Variants in PITPNB observed in about 807,000 individuals in gnomAD.
PITPNB encodes the protein phosphatidylinositol transfer protein beta isoform.
PITPNB carries 16 observed loss-of-function variants against 45.9 expected under a neutral mutation model. The observed-to-expected ratio is 0.35, with a 90% CI of 0.24 to 0.53. PITPNB has a LOEUF of 0.53. PITPNB is among the 20% of genes least tolerant of loss of function. The probability of loss-of-function intolerance (pLI) is 0.93; values close to 1 mark genes in which losing one functional copy is unlikely to be tolerated. For synonymous variants in PITPNB, 112 were observed against 108.9 expected, an observed-to-expected ratio of 1.03 and a Z score of -0.18; for missense variants, 188 against 330.5, an observed-to-expected ratio of 0.57 and a Z score of 3.34.
intron 10 of PITPNB, among the ~76,000 whole-genome samples, 181 bp downstream of exon 10, chr22:27,858,202 AAAAG>A (rs1471240606): frequency 6.6e-6 from 1 of 152,252 alleles, no homozygotes; most frequent in Non-Finnish European, 1.5e-5. Context: ...GATGCTCAAC[AAAAG>A]AGAGATCAGA....
intron 2 of PITPNB, among the ~76,000 whole-genome samples, chr22:27,911,998 C>A (rs1451476097): frequency 6.6e-6 from 1 of 152,122 alleles, no homozygotes; most frequent in Non-Finnish European, 1.5e-5. Flanking sequence ...TACAGTGACC[C>A]AACTGTGGCA....
chr22:27,888,380 C>T (rs1489239495), intron 7 of PITPNB, among the ~76,000 whole-genome samples: 1 of 152,214 alleles, frequency 6.6e-6, no homozygotes, highest in Non-Finnish European at 1.5e-5. Flanking sequence ...GCTATGTACA[C>T]TTGTAATTCT....
At chr22:27,871,204 T>G (rs1375625178) in intron 8 of PITPNB, among the ~76,000 whole-genome samples, 2 of 152,230 alleles carry the variant, frequency 1.3e-5, no homozygotes, top group East Asian at 3.8e-4. Flanking sequence ...ATGGTATATA[T>G]TCCAAGTTCC....
chr22:27,878,708 G>T (rs902114206), intron 7 of PITPNB, among the ~76,000 whole-genome samples: 2 of 152,202 alleles, frequency 1.3e-5, no homozygotes, highest in African/African-American at 4.8e-5. Context: ...AAGATCTCAG[G>T]AGGGCTGTTT....
At chr22:27,886,778 T>C (rs1313748114) in intron 7 of PITPNB, among the ~76,000 whole-genome samples, 2 of 152,240 alleles carry the variant, frequency 1.3e-5, no homozygotes, top group African/African-American at 2.4e-5. Flanking sequence ...CTCCCAACTA[T>C]TTCATGTTTG....
chr22:27,881,230 A>AT (rs1336183644), intron 7 of PITPNB, among the ~76,000 whole-genome samples: 10 of 152,244 alleles, frequency 6.6e-5, no homozygotes, highest in Admixed American at 5.9e-4. Context: ...AGGCAAGATG[A>AT]GACAGGCGTT....
intron 6 of PITPNB, 59 bp downstream of exon 6, chr22:27,896,493 A>G: frequency 9.4e-7 from 1 of 1,069,472 alleles, no homozygotes; most frequent in Non-Finnish European, 1.5e-6. Context: ...AAAGTGAACT[A>G]CATATAGAAT....
At chr22:27,911,981 A>T (rs1935940391) in intron 2 of PITPNB, among the ~76,000 whole-genome samples, 1 of 152,178 alleles carries the variant, frequency 6.6e-6, no homozygotes, top group South Asian at 2.1e-4. Context: ...CTCGTGTTCT[A>T]ATTTGTTACA....
chr22:27,892,094 C>G (rs902048169), intron 7 of PITPNB, among the ~76,000 whole-genome samples: 1 of 152,168 alleles, frequency 6.6e-6, no homozygotes, highest in African/African-American at 2.4e-5. Context: ...CTATCCACCC[C>G]AAACATCACC....
intron 3 of PITPNB, among the ~76,000 whole-genome samples, chr22:27,908,183 T>C (rs1457339139): frequency 6.6e-6 from 1 of 150,710 alleles, no homozygotes; most frequent in Non-Finnish European, 1.5e-5. Context: ...TATTTAACAT[T>C]CCTTTTCTTT....
chr22:27,887,880 T>A (rs1014817971), intron 7 of PITPNB, among the ~76,000 whole-genome samples: 1 of 151,858 alleles, frequency 6.6e-6, no homozygotes, highest in African/African-American at 2.4e-5. Flanking sequence ...ATCAAACTAA[T>A]CAGGTCACAT....
At chr22:27,865,761 G>A (rs1334628386) in intron 8 of PITPNB, among the ~76,000 whole-genome samples, 1 of 152,146 alleles carries the variant, frequency 6.6e-6, no homozygotes, top group Non-Finnish European at 1.5e-5. Flanking sequence ...GGGCAGGGGA[G>A]GGGCGGGCGG....
intron 3 of PITPNB, among the ~76,000 whole-genome samples, chr22:27,904,657 A>T (rs1039770044): frequency 2.4e-4 from 37 of 152,238 alleles, no homozygotes; most frequent in Non-Finnish European, 2.5e-4. Flanking sequence ...TTAAAGTCAG[A>T]AAAAGAATGG....
intron 8 of PITPNB, among the ~76,000 whole-genome samples, chr22:27,871,056 A>G (rs910860686): frequency 6.6e-6 from 1 of 152,228 alleles, no homozygotes; most frequent in Non-Finnish European, 1.5e-5. Flanking sequence ...CAGGGGGGAA[A>G]ATGGAAAAAA....
chr22:27,893,132 T>C (rs1466712245), intron 7 of PITPNB, among the ~76,000 whole-genome samples: 1 of 152,226 alleles, frequency 6.6e-6, no homozygotes, highest in Admixed American at 6.5e-5. Flanking sequence ...ACCACTCTTA[T>C]TCCAAAGCTT....
Position 27,919,252 on chromosome 22 carries a change from C to T in PITPNB, c.-61G>A. 2 of 1,467,810 alleles carry T rather than the reference C, an allele frequency of 1.4e-6. No homozygotes were observed. The highest frequency in any genetic ancestry group is 1.7e-5 in the Admixed American group (1 of 59,786). The allele number at this position is 1,467,810 out of a possible 1,614,324, so 90.9% of individuals were successfully genotyped here. On this transcript the variant is annotated 5_prime_UTR_variant, in exon 1 of 12. Coordinates refer to ENST00000335272, the MANE Select transcript of PITPNB (RefSeq NM_012399.5). ...ACCGCCGCCGCCGCCGCTACCGCCT[C>T]TCACAGCGCCTGCGCGGCCCCGCCT...
chr22:27,901,567 G>A (rs1317448912), intron 3 of PITPNB, among the ~76,000 whole-genome samples: 1 of 152,120 alleles, frequency 6.6e-6, no homozygotes, highest in African/African-American at 2.4e-5. Context: ...GTCAGGAAAA[G>A]CTCAGCTGAG....
At chr22:27,910,938 AG>A (rs776643997) in intron 3 of PITPNB, 25 bp downstream of exon 3, 1 of 1,588,002 alleles carries the variant, frequency 6.3e-7, no homozygotes, top group Non-Finnish European at 8.6e-7. Flanking sequence ...GGTAGTTACA[AG>A]GCGTCAAATG....
At chr22:27,898,979 G>C (rs1220190666) in intron 3 of PITPNB, among the ~76,000 whole-genome samples, 1 of 152,222 alleles carries the variant, frequency 6.6e-6, no homozygotes, top group Non-Finnish European at 1.5e-5. Flanking sequence ...CTACTGTAAA[G>C]AGTAGTTTTG....
Sources: gnomAD v4.1 joint callset for allele counts (sites outside exome capture counted in the v4.1 genomes callset) on GRCh38, gnomAD v4.1.1 for gene constraint, MANE v1.5 for transcripts, NCBI Gene and HGNC (gene_info 2026-07-23, HGNC 2026-07-21) for gene names.